The following LMNA variants were observed in gnomAD, a reference collection of about 807,000 sequenced individuals.
The protein encoded by LMNA is lamin A/C.
LMNA carries 20 observed loss-of-function variants against 70.4 expected under a neutral mutation model. The observed-to-expected ratio is 0.28, with a 90% CI of 0.20 to 0.41. The LOEUF (loss-of-function observed/expected upper bound fraction) is 0.41. LMNA is among the 10% of genes least tolerant of loss of function. The pLI is 1.00. For synonymous variants in LMNA, 339 were observed against 372.8 expected (o/e 0.91, Z 1.04); for missense variants, 652 against 917.2 (o/e 0.71, Z 3.73).
chr1:156,120,998 G>A (rs2102834061), intron 1 of LMNA, among the ~76,000 whole-genome samples: 1 of 151,676 alleles, frequency 6.6e-6, no homozygotes, highest in South Asian at 2.1e-4. Context: ...CTTTATCTGA[G>A]GGTATCTCCT....
At chr1:156,108,186 C>T (rs890832865) in intron 3 of LMNA, among the ~76,000 whole-genome samples, 4 of 152,150 alleles carry the variant, frequency 2.6e-5, no homozygotes, top group Non-Finnish European at 5.9e-5. Flanking sequence ...CACATGGCAG[C>T]CCCTTAAAGA....
Position 156,135,269 on chromosome 1 carries a change from G to T in LMNA, c.893G>T (p.Arg298Leu), listed in dbSNP as rs762653476. 2.5e-6 allele frequency: 4 copies of T among 1,613,562 alleles called. No homozygotes were observed. The highest frequency in any genetic ancestry group is 2.5e-6 in the Non-Finnish European group (3 of 1,180,008). Residue 298 changes from arginine (R) to leucine (L), a missense_variant, in exon 5 of 12, where the codon CGC (arginine) becomes CTC (leucine). Coordinates refer to ENST00000368300, the MANE Select transcript of LMNA (RefSeq NM_170707.4). The surrounding 1 kb of genome is among the most constrained non-coding windows in gnomAD (Gnocchi z 4.8). ...GAGGAGCTGCAGCAGTCGCGCATCC[G>T]CATCGACAGCCTCTCTGCCCAGCTC... ...AHEELQQSRI[R>L]IDSLSAQLSQ... is the part of the protein sequence containing the mutation.
chr1:156,083,058 G>T (rs1264593801), exon 2 of LMNA: 1 of 152,376 alleles, frequency 6.6e-6, no homozygotes, highest in Non-Finnish European at 1.5e-5. Flanking sequence ...CCAGGAAAGG[G>T]TGCCAGGCTG....
chr1:156,128,171 A>G (rs1650756387), intron 1 of LMNA, among the ~76,000 whole-genome samples: 1 of 152,180 alleles, frequency 6.6e-6, no homozygotes, highest in Non-Finnish European at 1.5e-5. Context: ...GAGTTAACAT[A>G]ATATTTAGAG....
chr1:156,127,204 C>T (rs998695284), intron 1 of LMNA, among the ~76,000 whole-genome samples: 12 of 152,212 alleles, frequency 7.9e-5, no homozygotes, highest in African/African-American at 2.2e-4. Flanking sequence ...CACTTGGGGG[C>T]GGGGGCAGGG....
At chr1:156,126,406 C>G (rs550699931) in intron 1 of LMNA, 2 of 631,252 alleles carry the variant, frequency 3.2e-6, no homozygotes, top group African/African-American at 3.7e-5. Context: ...CCTGTTGCCC[C>G]CAGCAACCGG....
At chr1:156,116,494 G>A (rs1649836691) in intron 1 of LMNA, among the ~76,000 whole-genome samples, 6 of 152,096 alleles carry the variant, frequency 3.9e-5, no homozygotes, top group Admixed American at 3.3e-4. Flanking sequence ...GAGCACTAAG[G>A]GTGCTTGGAG....
At chr1:156,127,470 C>A (rs1443503064) in intron 1 of LMNA, among the ~76,000 whole-genome samples, 1 of 146,810 alleles carries the variant, frequency 6.8e-6, no homozygotes, top group Non-Finnish European at 1.5e-5. Flanking sequence ...CAGTGCTAGT[C>A]AAAACCTCCA....
intron 1 of LMNA, among the ~76,000 whole-genome samples, chr1:156,122,614 C>T (rs927026326): frequency 1.5e-4 from 23 of 152,202 alleles, no homozygotes; most frequent in Admixed American, 6.5e-4. Context: ...GATGCCTCTC[C>T]CTTCTGGACG....
chr1:156,095,330 G>A (rs183969333), intron 3 of LMNA, among the ~76,000 whole-genome samples: 3 of 152,210 alleles, frequency 2.0e-5, no homozygotes, highest in Non-Finnish European at 4.4e-5. Context: ...GCATATAGGA[G>A]GCATTCAATA....
At chr1:156,083,479 ACT>A (rs1018389214) in intron 2 of LMNA, 11 of 151,838 alleles carry the variant, frequency 7.2e-5, no homozygotes, top group Admixed American at 2.6e-4. Context: ...CGTAATTTCC[ACT>A]CTGTTTCCTC....
chr1:156,134,258 C>A lies in LMNA; in HGVS notation c.514-145C>A. 1.2e-6 allele frequency: 1 copy of A among 817,910 alleles called. No individual in the cohort carries two copies. Among genetic ancestry groups the A allele is most frequent in the Non-Finnish European group, 2.0e-6 (1 of 491,756 alleles). 50.7% of individuals were successfully genotyped at this position (817,910 alleles called of 1,614,324 possible). ...AAGAGTGAGTGAGTAGATGTCCTGA[C>A]CCCTGCAGGCATCCAAGGCCCTCCT... is the stretch of plus-strand genomic sequence containing the variant. On this transcript the variant is annotated intron_variant, in intron 2 of 11. Coordinates refer to ENST00000368300, the MANE Select transcript of LMNA (RefSeq NM_170707.4). This position sits in a 1 kb window ranked among gnomAD's most constrained non-coding sequence, Gnocchi z 5.3.
At chr1:156,104,399 G>A (rs1452768212) in intron 3 of LMNA, among the ~76,000 whole-genome samples, 1 of 152,158 alleles carries the variant, frequency 6.6e-6, no homozygotes, top group Admixed American at 6.5e-5. Context: ...GGCGTCAGCC[G>A]AGGTAGTTGC....
intron 1 of LMNA, among the ~76,000 whole-genome samples, chr1:156,118,373 G>A (rs765793106): frequency 6.6e-6 from 1 of 152,206 alleles, no homozygotes; most frequent in Non-Finnish European, 1.5e-5. Flanking sequence ...CTGCCTCCTA[G>A]TGCAGCTGTC....
chr1:156,104,603 C>T (rs1649256937), intron 3 of LMNA, among the ~76,000 whole-genome samples: 1 of 152,108 alleles, frequency 6.6e-6, no homozygotes, highest in South Asian at 2.1e-4. Flanking sequence ...TCCTCCACTC[C>T]TGGATCCATT....
intron 3 of LMNA, among the ~76,000 whole-genome samples, chr1:156,098,916 G>C (rs74116482): frequency 0.04 from 6,149 of 152,304 alleles, 218 homozygotes; most frequent in African/African-American, 0.091. Context: ...GTGGGCAGCA[G>C]GTTCCTGTAG....
In LMNA at chr1:156,139,736, A is replaced by G; in HGVS notation, c.*630A>G. 4 of 1,530,066 alleles carry G rather than the reference A, an allele frequency of 2.6e-6. No individual in the cohort carries two copies. The South Asian group carries it at 3.6e-5, about 14-fold the overall frequency. 94.8% of individuals were successfully genotyped at this position (1,530,066 alleles called of 1,614,324 possible). The stretch of plus-strand genomic sequence containing the variant: ...CCGGGGTGAGTCCATTCTCCCAGGT[A>G]CCAGCTGCGCTTGCTTTTCTGTATT... On this transcript the variant is annotated 3_prime_UTR_variant, in exon 12 of 12. Coordinates refer to ENST00000368300, the MANE Select transcript of LMNA (RefSeq NM_170707.4).
chr1:156,114,629 G>C, upstream of LMNA: 1 of 284,084 alleles, frequency 3.5e-6, no homozygotes, highest in Non-Finnish European at 6.3e-6. Flanking sequence ...CAATGGATCT[G>C]GGACTGCCCC....
upstream of LMNA, among the ~76,000 whole-genome samples, chr1:156,111,868 C>T (rs1217803657): frequency 6.6e-6 from 1 of 152,260 alleles, no homozygotes; most frequent in African/African-American, 2.4e-5. Context: ...TCACCTCTCA[C>T]CTCCAGCAGG....
Sources: allele counts gnomAD v4.1 joint callset (sites outside exome capture counted in the v4.1 genomes callset), GRCh38; gene constraint gnomAD v4.1.1; non-coding constraint Gnocchi (gnomAD v3.1); transcripts MANE v1.5; gene names NCBI Gene and HGNC (gene_info 2026-07-23, HGNC 2026-07-21).